Variants in MGA observed in about 807,000 individuals in gnomAD.
MGA encodes the protein MAX gene-associated protein.
Under a neutral mutation model 261.1 loss-of-function variants are expected in MGA, and 40 were observed. The ratio of observed to expected loss-of-function variants is 0.15; its 90% CI spans 0.12 to 0.20. The LOEUF (loss-of-function observed/expected upper bound fraction) is 0.20. MGA is among the 10% of genes least tolerant of loss of function. MGA has a pLI of 1.00. For missense variants in MGA, 3,397 were observed against 3,630.5 expected, an observed-to-expected ratio of 0.94 and a Z score of 1.65; for synonymous variants, 1,302 against 1,290.6, an observed-to-expected ratio of 1.01 and a Z score of -0.19.
intron 1 of MGA, among the ~76,000 whole-genome samples, chr15:41,655,178 CTT>C (rs35648576): frequency 0.15 from 19,928 of 129,500 alleles, 1,892 homozygotes; most frequent in East Asian, 0.65. Context: ...TTTTAATTTA[CTT>C]TTTTTTTTTT....
At chr15:41,762,462 T>TTTTTTTTTTTTG (rs2063527197) in intron 22 of MGA, 100 bp downstream of exon 22, 1 of 66,054 alleles carries the variant, frequency 1.5e-5, no homozygotes, top group Non-Finnish European at 3.0e-5. Context: ...TTTTGTGTGG[T>TTTTTTTTTTTTG]TTTTTTTTTT....
At chr15:41,717,553 A>G (rs1201774446) in intron 9 of MGA, among the ~76,000 whole-genome samples, 1 of 152,164 alleles carries the variant, frequency 6.6e-6, no homozygotes, top group Non-Finnish European at 1.5e-5. Flanking sequence ...TTTAAAAGAC[A>G]CAAGCTACAA....
At chr15:41,730,241 T>G (rs1042156681) in intron 11 of MGA, among the ~76,000 whole-genome samples, 1 of 152,042 alleles carries the variant, frequency 6.6e-6, no homozygotes, top group African/African-American at 2.4e-5. Flanking sequence ...TGATCGAGAC[T>G]AGCCTGGCCA....
At position 41,749,894 on chromosome 15, in the gene MGA, A is replaced by T; in HGVS notation, c.6287A>T (p.Lys2096Met). Residue 2096 changes from lysine (K) to methionine (M), a missense_variant, in exon 17 of 24, where the codon AAG becomes ATG. Physicochemically the swap from Lys to Met is moderately conservative, Grantham distance 95 (BLOSUM62 -1). Around this residue, in one of 9 missense-constraint regions of MGA, gnomAD observed 1,410 missense variants for 1,386.4 expected, o/e 1.02. Coordinates refer to ENST00000219905, the MANE Select transcript of MGA (RefSeq NM_001164273.2). ...ACCATTTCTGAAAAAGCCAGTAATA[A>T]GACAGTCCAAAATTTAAGTAAAGTA... 1 of 1,613,994 alleles carries T rather than the reference A, an allele frequency of 6.2e-7. No individual in the cohort carries two copies.
At chr15:41,680,864 T>G (rs974081338) in intron 2 of MGA, among the ~76,000 whole-genome samples, 1 of 151,716 alleles carries the variant, frequency 6.6e-6, no homozygotes, top group African/African-American at 2.4e-5. Flanking sequence ...AACTTAATCT[T>G]CAGTTCTTTT....
At chr15:41,627,925 G>A (rs1422980376) in intron 1 of MGA, among the ~76,000 whole-genome samples, 2 of 152,104 alleles carry the variant, frequency 1.3e-5, no homozygotes, top group Non-Finnish European at 2.9e-5. Context: ...AATACAAATC[G>A]GATAGTTGAG....
intron 1 of MGA, among the ~76,000 whole-genome samples, chr15:41,667,061 G>C (rs1023312309): frequency 6.6e-6 from 1 of 152,096 alleles, no homozygotes; most frequent in African/African-American, 2.4e-5. Context: ...GCACTACCAG[G>C]CTTTGATTTT....
intron 22 of MGA, among the ~76,000 whole-genome samples, chr15:41,764,351 T>A (rs1356048445): frequency 6.6e-6 from 1 of 150,932 alleles, no homozygotes; most frequent in Non-Finnish European, 1.5e-5. Context: ...CCTCCCAGGT[T>A]CACGCCATTC....
rs530927124 is a variant in MGA at position 41,769,299 on chromosome 15, C to CT, written c.*2039dup. The CT allele has an allele frequency of 0.011, 1,477 of 132,468 alleles. 18 individuals are homozygous for CT. Among genetic ancestry groups the CT allele is most frequent in the South Asian group, 0.024 (98 of 4,024 alleles). 8.2% of individuals were successfully genotyped at this position (132,468 alleles called of 1,614,324 possible). A position where few individuals can be genotyped will look rare whatever the true frequency, so the allele number is the denominator to read the frequency against. ...AAGGACCATTTTAGCTTAACACTTC[C>CT]TTTTTTTTTTTTTTTTTTTTAAGAA... On this transcript the variant is annotated 3_prime_UTR_variant, in exon 24 of 24. Coordinates refer to ENST00000219905, the MANE Select transcript of MGA (RefSeq NM_001164273.2).
chr15:41,702,885 G>A (rs2059920529), intron 5 of MGA, among the ~76,000 whole-genome samples: 1 of 152,050 alleles, frequency 6.6e-6, no homozygotes, highest in Non-Finnish European at 1.5e-5. Flanking sequence ...TTTATGTTTT[G>A]GAAGAGTTTT....
At chr15:41,657,857 A>T (rs942192266), upstream of MGA, among the ~76,000 whole-genome samples, 1 of 152,100 alleles carries the variant, frequency 6.6e-6, no homozygotes, top group African/African-American at 2.4e-5. Flanking sequence ...GATGTTTTAG[A>T]AATCAGAACC....
intron 19 of MGA, among the ~76,000 whole-genome samples, chr15:41,758,868 A>G (rs1204262367): frequency 6.6e-6 from 1 of 152,216 alleles, no homozygotes; most frequent in Non-Finnish European, 1.5e-5. Context: ...TCACAAAACC[A>G]AGAAACTGCA....
At chr15:41,642,311 GT>G (rs766480352) in intron 1 of MGA, among the ~76,000 whole-genome samples, 151 of 135,984 alleles carry the variant, frequency 1.1e-3, no homozygotes, top group East Asian at 1.7e-3. Flanking sequence ...AATTTGTGGT[GT>G]TTTTTTTTTT....
chr15:41,626,670 G>C (rs901547734), intron 1 of MGA, among the ~76,000 whole-genome samples: 1 of 152,052 alleles, frequency 6.6e-6, no homozygotes, highest in Non-Finnish European at 1.5e-5. Context: ...AGATCCACCC[G>C]CCTTGGCTTC....
intron 18 of MGA, among the ~76,000 whole-genome samples, chr15:41,757,282 G>A (rs1365061341): frequency 6.6e-6 from 1 of 152,160 alleles, no homozygotes; most frequent in African/African-American, 2.4e-5. Context: ...ATACTTGGAA[G>A]AAGAAAAATT....
chr15:41,688,779 C>T lies in MGA; in HGVS notation c.1065-7296C>T, dbSNP rs139718273. Among the ~76,000 whole-genome samples, 5 of 152,266 alleles carry T rather than the reference C, an allele frequency of 3.3e-5. No individual in the cohort carries two copies. In the East Asian group the frequency reaches 9.6e-4, roughly 29 times the overall value. ...TACTCAGGCTGCCATAACAAAATAT[C>T]GTAGATTGGCTGGCTTAAGCAACAG... On this transcript the variant is annotated intron_variant, in intron 2 of 23. Transcript: ENST00000219905.
chr15:41,729,376 T>C (rs2061395267), intron 11 of MGA, 27 bp downstream of exon 11: 1 of 1,585,144 alleles, frequency 6.3e-7, no homozygotes, highest in Non-Finnish European at 8.6e-7. Flanking sequence ...ATAAGTTCTT[T>C]TTAACTTCTG....
At chr15:41,638,133 C>G (rs749896459) in intron 1 of MGA, among the ~76,000 whole-genome samples, 8 of 142,676 alleles carry the variant, frequency 5.6e-5, no homozygotes, top group Non-Finnish European at 9.1e-5. Context: ...ACCTCCGCCT[C>G]CTGGGTTCAA....
chr15:41,686,607 T>A (rs1326206355), intron 2 of MGA, among the ~76,000 whole-genome samples: 1 of 152,176 alleles, frequency 6.6e-6, no homozygotes, highest in Non-Finnish European at 1.5e-5. Flanking sequence ...TTATAGCATG[T>A]TGGGTGTAGT....
Sources: gnomAD v4.1 joint callset for allele counts (sites outside exome capture counted in the v4.1 genomes callset) on GRCh38, gnomAD v4.1.1 for gene constraint, gnomAD v4.1.1 regional missense constraint, MANE v1.5 for transcripts, NCBI Gene and HGNC (gene_info 2026-07-23, HGNC 2026-07-21) for gene names.